Variants in ARRDC4 observed in about 807,000 individuals in gnomAD.
ARRDC4 encodes arrestin domain containing 4.
Under a neutral mutation model 44.6 loss-of-function variants are expected in ARRDC4, and 40 were observed. The ratio of observed to expected loss-of-function variants is 0.90; its 90% CI spans 0.70 to 1.17. ARRDC4 has a LOEUF of 1.17. Among genes scored for constraint, ARRDC4 ranks in the 50% most tolerant of loss-of-function variants. The pLI is 0.00. For synonymous variants in ARRDC4, 211 were observed against 221.2 expected, an observed-to-expected ratio of 0.95 and a Z score of 0.41; for missense variants, 550 against 559.1, an observed-to-expected ratio of 0.98 and a Z score of 0.16.
chr15:97,970,650 C>T lies in ARRDC4; in HGVS notation c.1107C>T (p.Tyr369=). The T allele has an allele frequency of 6.2e-7, 1 of 1,613,438 alleles. No individual in the cohort carries two copies. Among genetic ancestry groups the T allele is most frequent in the Non-Finnish European group, 8.5e-7 (1 of 1,179,556 alleles). The change falls in exon 7 of 8, where the codon TAC becomes TAT. Residue 369 remains tyrosine (Y), a synonymous_variant. Coordinates refer to ENST00000268042, the MANE Select transcript of ARRDC4 (RefSeq NM_183376.3). The surrounding 1 kb of genome is among the most constrained non-coding windows in gnomAD (Gnocchi z 4.2). ...AATTCTCTAGACACATTCCTCCTTACCCTCAACCCCCTAACTGTGAGGGAG... is the reference window on the plus strand; with the variant it reads ...AATTCTCTAGACACATTCCTCCTTATCCTCAACCCCCTAACTGTGAGGGAG... ...EEEFSRHIPP[Y]PQPPNCEGEV...
At position 97,965,601 on chromosome 15, in the gene ARRDC4, T is replaced by C; in HGVS notation, c.309T>C (p.Gly103=). Reference sequence around the variant, plus strand: ...AAAATAAAATACAATCTCTTATAGGTGAAGGCATCATTTTATTACAGCCTG... The same window carrying C: ...AAAATAAAATACAATCTCTTATAGGCGAAGGCATCATTTTATTACAGCCTG... The part of the protein sequence containing the change: ...VRLSLREPPA[G]EGIILLQPGK... Residue 103 remains glycine (G), a splice_region_variant and synonymous_variant, in exon 2 of 8, where the codon GGT becomes GGC. Transcript: ENST00000268042. The surrounding 1 kb of genome is among the most constrained non-coding windows in gnomAD (Gnocchi z 5.1). 6.2e-7 allele frequency: 1 copy of C among 1,606,496 alleles called. No individual in the cohort carries two copies. Among genetic ancestry groups the C allele is most frequent in the Non-Finnish European group, 8.5e-7 (1 of 1,173,104 alleles).
intron 1 of ARRDC4, among the ~76,000 whole-genome samples, chr15:97,961,386 G>A (rs77349232): frequency 0.01 from 1,550 of 152,332 alleles, 15 homozygotes; most frequent in African/African-American, 0.034. Context: ...GCCTGACCGG[G>A]ACCAGTGGCT....
In ARRDC4 at chr15:97,973,148, C is replaced by T. The variant is rs544259658; in HGVS notation, c.*1961C>T. 37 of 152,338 alleles carry T rather than the reference C, an allele frequency of 2.4e-4. No homozygotes were observed. The highest frequency in any genetic ancestry group is 1.0e-3 in the South Asian group (5 of 4,830). The allele number at this position is 152,338 out of a possible 1,614,324, so 9.4% of individuals were successfully genotyped here. ...ACTTCTGAGTTATATAGTTCATGCC[C>T]TGCCAAGGCATTGTTCGACTCCATG... On this transcript the variant is annotated 3_prime_UTR_variant, in exon 8 of 8. Transcript: ENST00000268042.
chr15:97,971,311 C>A lies in ARRDC4; in HGVS notation c.*124C>A. On this transcript the variant is annotated 3_prime_UTR_variant, in exon 8 of 8. Transcript: ENST00000268042. Reference sequence around the variant, plus strand: ...CATAAATGAACGTCAAGACTGAAGGCAATAGAAATTAAAGAATGTGAGAAA... The same window carrying A: ...CATAAATGAACGTCAAGACTGAAGGAAATAGAAATTAAAGAATGTGAGAAA... 3.1e-6 allele frequency: 3 copies of A among 971,654 alleles called. No homozygotes were observed. Among genetic ancestry groups the A allele is most frequent in the Non-Finnish European group, 4.7e-6 (3 of 640,894 alleles). The allele number at this position is 971,654 out of a possible 1,614,324, so 60.2% of individuals were successfully genotyped here.
At position 97,970,164 on chromosome 15, in the gene ARRDC4, T is replaced by C; in HGVS notation, c.1045+119T>C. On this transcript the variant is annotated intron_variant, in intron 6 of 7. Transcript: ENST00000268042. This position sits in a 1 kb window ranked among gnomAD's most constrained non-coding sequence, Gnocchi z 4.2. The stretch of plus-strand genomic sequence containing the variant: ...AGTACTGCTACTATAGGTATCTTTA[T>C]TCCTACTACTAAAAAATCAGAAAGC... 2 of 1,097,348 alleles carry C rather than the reference T, an allele frequency of 1.8e-6. No individual in the cohort carries two copies. The highest frequency in any genetic ancestry group is 2.5e-6 in the Non-Finnish European group (2 of 813,566). 68.0% of individuals were successfully genotyped at this position (1,097,348 alleles called of 1,614,324 possible).
rs1325030809 is a variant in ARRDC4, at chr15:97,970,451, A to G, written c.1046-138A>G. On this transcript the variant is annotated intron_variant, in intron 6 of 7. Coordinates refer to ENST00000268042, the MANE Select transcript of ARRDC4 (RefSeq NM_183376.3). This position sits in a 1 kb window ranked among gnomAD's most constrained non-coding sequence, Gnocchi z 4.2. ...GAATCTATTTTTTATTGTAATATGCATAAAACCTTGCTGATTAGAGGGAAA... is the reference window on the plus strand; with the variant it reads ...GAATCTATTTTTTATTGTAATATGCGTAAAACCTTGCTGATTAGAGGGAAA... 6.9e-6 allele frequency: 6 copies of G among 866,788 alleles called. No individual in the cohort carries two copies. The highest frequency in any genetic ancestry group is 3.8e-5 in the South Asian group (2 of 53,048). The allele number at this position is 866,788 out of a possible 1,614,324, so 53.7% of individuals were successfully genotyped here. A position where few individuals can be genotyped will look rare whatever the true frequency, so the allele number is the denominator to read the frequency against.
chr15:97,964,196 G>C (rs1899374635), intron 1 of ARRDC4, among the ~76,000 whole-genome samples: 1 of 152,038 alleles, frequency 6.6e-6, no homozygotes, highest in Non-Finnish European at 1.5e-5. Context: ...AAGTTGAAAT[G>C]TCAGCTGACT....
Position 97,973,434 on chromosome 15 carries a change from TC to T in ARRDC4, c.*2248del, listed in dbSNP as rs1376686861. 6.6e-6 allele frequency: 1 copy of T among 152,456 alleles called. No homozygotes were observed. Among genetic ancestry groups the T allele is most frequent in the Non-Finnish European group, 1.5e-5 (1 of 68,026 alleles). 9.4% of individuals were successfully genotyped at this position (152,456 alleles called of 1,614,324 possible). A position where few individuals can be genotyped will look rare whatever the true frequency, so the allele number is the denominator to read the frequency against. ...GACTGTAAGCAGTAGGTTGAAGATA[TC>T]ATTTTATGAATGTGGAGAATTCTAC... On this transcript the variant is annotated 3_prime_UTR_variant, in exon 8 of 8. Coordinates refer to ENST00000268042, the MANE Select transcript of ARRDC4 (RefSeq NM_183376.3).
Position 97,965,450 on chromosome 15 carries a change from A to G in ARRDC4, c.308-150A>G, listed in dbSNP as rs1899399874. ...ACACACGCACACACACCCCCCTTCA[A>G]ACTTAATTCTCTACATTTGTTTAAT... On this transcript the variant is annotated intron_variant, in intron 1 of 7. Transcript: ENST00000268042. The surrounding 1 kb of genome is among the most constrained non-coding windows in gnomAD (Gnocchi z 5.1). The G allele has an allele frequency of 7.6e-6, 5 of 661,462 alleles. No individual in the cohort carries two copies. The highest frequency in any genetic ancestry group is 2.5e-5 in the Admixed American group (1 of 39,984). The allele number at this position is 661,462 out of a possible 1,614,324, so 41.0% of individuals were successfully genotyped here.
In ARRDC4 at chr15:97,968,239, G is replaced by A; in HGVS notation, c.625+123G>A. ...TGTATAGTATTTTAAAACATGAATA[G>A]TGATACATTTTTTATATAAATAATT... is the stretch of plus-strand genomic sequence containing the variant. On this transcript the variant is annotated intron_variant, in intron 4 of 7. Transcript: ENST00000268042. The surrounding 1 kb of genome is among the most constrained non-coding windows in gnomAD (Gnocchi z 5.4). 2.2e-6 allele frequency: 1 copy of A among 450,566 alleles called. No individual in the cohort carries two copies. The allele number at this position is 450,566 out of a possible 1,614,324, so 27.9% of individuals were successfully genotyped here.
chr15:97,961,255 C>A (rs899075658), intron 1 of ARRDC4, 87 bp downstream of exon 1: 52 of 1,224,756 alleles, frequency 4.2e-5, no homozygotes, highest in Middle Eastern at 3.1e-4. Flanking sequence ...GGGATGCCCA[C>A]CTGGCAGGTG....
rs533989577 is a variant in ARRDC4 at position 97,965,441 on chromosome 15, C to CACA, written c.308-159_308-158insACA. Among the ~76,000 whole-genome samples, 986 of 151,310 alleles carry CACA rather than the reference C, an allele frequency of 6.5e-3. 15 individuals carry two copies. Among genetic ancestry groups the CACA allele is most frequent in the African/African-American group, 0.023 (942 of 41,288 alleles). On this transcript the variant is annotated intron_variant, in intron 1 of 7. Coordinates refer to ENST00000268042, the MANE Select transcript of ARRDC4 (RefSeq NM_183376.3). This position sits in a 1 kb window ranked among gnomAD's most constrained non-coding sequence, Gnocchi z 5.1. ...AACACATAGACACACGCACACACAC[C>CACA]CCCCTTCAAACTTAATTCTCTACAT...
At chr15:97,962,065 A>G (rs996112829) in intron 1 of ARRDC4, among the ~76,000 whole-genome samples, 2 of 152,250 alleles carry the variant, frequency 1.3e-5, no homozygotes, top group African/African-American at 4.8e-5. Context: ...AAACTAGTTT[A>G]AACTTTTACG....
chr15:97,965,463 A>C lies in ARRDC4; in HGVS notation c.308-137A>C, dbSNP rs1899400111. On this transcript the variant is annotated intron_variant, in intron 1 of 7. Coordinates refer to ENST00000268042, the MANE Select transcript of ARRDC4 (RefSeq NM_183376.3). The surrounding 1 kb of genome is among the most constrained non-coding windows in gnomAD (Gnocchi z 5.1). ...CACCCCCCTTCAAACTTAATTCTCT[A>C]CATTTGTTTAATGAACTTTTGGAGT... 5 of 701,816 alleles carry C rather than the reference A, an allele frequency of 7.1e-6. No homozygotes were observed. The South Asian group carries it at 8.6e-5, about 12-fold the overall frequency. The allele number at this position is 701,816 out of a possible 1,614,324, so 43.5% of individuals were successfully genotyped here. A position where few individuals can be genotyped will look rare whatever the true frequency, so the allele number is the denominator to read the frequency against.
At position 97,970,891 on chromosome 15, in the gene ARRDC4, C is replaced by G; in HGVS notation, c.1200+148C>G. 1 of 1,074,760 alleles carries G rather than the reference C, an allele frequency of 9.3e-7. No homozygotes were observed. Among genetic ancestry groups the G allele is most frequent in the Middle Eastern group, 2.4e-4 (1 of 4,226 alleles). The allele number at this position is 1,074,760 out of a possible 1,614,324, so 66.6% of individuals were successfully genotyped here. On this transcript the variant is annotated intron_variant, in intron 7 of 7. Transcript: ENST00000268042. This position sits in a 1 kb window ranked among gnomAD's most constrained non-coding sequence, Gnocchi z 4.2. ...TTTATACAGTGGTAATAGATTATCG[C>G]TGATTCATTTGCCAGATTTTTTTAC...
chr15:97,963,429 A>C (rs1020980096), intron 1 of ARRDC4, among the ~76,000 whole-genome samples: 6 of 152,148 alleles, frequency 3.9e-5, no homozygotes, highest in African/African-American at 1.4e-4. Flanking sequence ...GATAGTTGAA[A>C]GTCTCATTTT....
In ARRDC4 at chr15:97,965,558, TACTA is replaced by T. The variant is rs1464814172; in HGVS notation, c.308-37_308-34del. The T allele has an allele frequency of 2.7e-6, 4 of 1,490,288 alleles. No homozygotes were observed. The highest frequency in any genetic ancestry group is 1.7e-5 in the Admixed American group (1 of 59,274). 92.3% of individuals were successfully genotyped at this position (1,490,288 alleles called of 1,614,324 possible). ...TACATTGTGAAAACTCTTGATCTAA[TACTA>T]ACTATCCTTCATTAAAATAAAATAC... On this transcript the variant is annotated intron_variant, in intron 1 of 7. Coordinates refer to ENST00000268042, the MANE Select transcript of ARRDC4 (RefSeq NM_183376.3). The surrounding 1 kb of genome is among the most constrained non-coding windows in gnomAD (Gnocchi z 5.1).
At chr15:97,961,914 C>T (rs28623541) in intron 1 of ARRDC4, among the ~76,000 whole-genome samples, 2,285 of 152,296 alleles carry the variant, frequency 0.015, 51 homozygotes, top group African/African-American at 0.051. Context: ...TGGTGAAGTC[C>T]AGTTCACAGT....
Position 97,960,718 on chromosome 15 carries a change from G to T in ARRDC4, c.-144G>T. On this transcript the variant is annotated 5_prime_UTR_variant, in exon 1 of 8. Transcript: ENST00000268042. The stretch of plus-strand genomic sequence containing the variant: ...TTGTTAAAGCGACAGGCCTCTCGGC[G>T]AGCCGGTGCCCCATCGGGTACCGCA... 1 of 675,694 alleles carries T rather than the reference G, an allele frequency of 1.5e-6. No homozygotes were observed. Among genetic ancestry groups the T allele is most frequent in the Non-Finnish European group, 2.1e-6 (1 of 480,248 alleles). 41.9% of individuals were successfully genotyped at this position (675,694 alleles called of 1,614,324 possible). A position where few individuals can be genotyped will look rare whatever the true frequency, so the allele number is the denominator to read the frequency against.
Sources: gnomAD v4.1 joint callset for allele counts (sites outside exome capture counted in the v4.1 genomes callset) on GRCh38, gnomAD v4.1.1 for gene constraint, Gnocchi (gnomAD v3.1) non-coding constraint, MANE v1.5 for transcripts, NCBI Gene and HGNC (gene_info 2026-07-23, HGNC 2026-07-21) for gene names.